Variants in PRIMPOL observed in about 807,000 individuals in gnomAD.
The protein encoded by PRIMPOL is DNA-directed primase/polymerase protein.
In PRIMPOL, 54 loss-of-function variants were observed where a neutral mutation model predicts 63.6. The observed-to-expected ratio is 0.85, with a 90% CI of 0.68 to 1.07. PRIMPOL has a LOEUF of 1.07. Ranked by LOEUF, PRIMPOL falls within the 50% of genes least tolerant of loss-of-function variation. The probability of loss-of-function intolerance (pLI) is 0.00; values close to 1 mark genes in which losing one functional copy is unlikely to be tolerated. For synonymous variants in PRIMPOL, 197 were observed against 220.2 expected (o/e 0.89, Z 0.93); for missense variants, 610 against 648.3 (o/e 0.94, Z 0.64).
chr4:184,667,106 G>T (rs1415769402), intron 6 of PRIMPOL, among the ~76,000 whole-genome samples: 1 of 152,182 alleles, frequency 6.6e-6, no homozygotes, highest in Non-Finnish European at 1.5e-5. Flanking sequence ...TAAAGCACTG[G>T]CATGAAAGCC....
intron 2 of PRIMPOL, among the ~76,000 whole-genome samples, chr4:184,652,610 T>C (rs1223107431): frequency 6.6e-6 from 1 of 152,182 alleles, no homozygotes; most frequent in Admixed American, 6.5e-5. Context: ...AATATTTTTG[T>C]AAATGCTTTT....
At chr4:184,662,817 A>C (rs1011659238) in intron 5 of PRIMPOL, among the ~76,000 whole-genome samples, 2 of 151,836 alleles carry the variant, frequency 1.3e-5, no homozygotes, top group Non-Finnish European at 2.9e-5. Context: ...CTTTGTGAAA[A>C]TGTATGTGAA....
intron 11 of PRIMPOL, among the ~76,000 whole-genome samples, chr4:184,688,960 G>A (rs904570890): frequency 7.3e-5 from 11 of 151,282 alleles, no homozygotes; most frequent in African/African-American, 9.7e-5. Flanking sequence ...TTTAGTAGCA[G>A]TTTGAATAAT....
intron 8 of PRIMPOL, among the ~76,000 whole-genome samples, chr4:184,681,593 G>A (rs1485095366): frequency 6.7e-6 from 1 of 148,722 alleles, no homozygotes; most frequent in Non-Finnish European, 1.5e-5. Context: ...TTATTTTTTT[G>A]AGATGGAATC....
At chr4:184,691,629 T>G (rs1350026548) in intron 12 of PRIMPOL, 37 bp from the exon 13 acceptor site, 10 of 1,599,062 alleles carry the variant, frequency 6.3e-6, no homozygotes, top group Non-Finnish European at 8.6e-6. Context: ...ATTAGATAAC[T>G]GTAATATGTA....
At chr4:184,661,565 G>A (rs1028733055) in intron 4 of PRIMPOL, among the ~76,000 whole-genome samples, 1 of 152,028 alleles carries the variant, frequency 6.6e-6, no homozygotes, top group Non-Finnish European at 1.5e-5. Flanking sequence ...AATTAACCAG[G>A]CGTGGTGGCG....
Position 184,694,506 on chromosome 4 carries a change from C to CA in PRIMPOL, c.1426-15dup, listed in dbSNP as rs760804032. 6.2e-7 allele frequency: 1 copy of CA among 1,607,410 alleles called. No individual in the cohort carries two copies. The highest frequency in any genetic ancestry group is 1.3e-5 in the African/African-American group (1 of 74,630). On this transcript the variant is annotated splice_polypyrimidine_tract_variant and intron_variant, in intron 13 of 13. Coordinates refer to ENST00000314970, the MANE Select transcript of PRIMPOL (RefSeq NM_152683.4). ...TTTCCTATCCCACTCTCTATCCCTT[C>CA]ACCACTGAAATAAAGGAAGAAGAGT...
intron 13 of PRIMPOL, among the ~76,000 whole-genome samples, chr4:184,693,141 A>G (rs528892214): frequency 1.6e-4 from 24 of 151,276 alleles, no homozygotes; most frequent in South Asian, 1.0e-3. Context: ...AAAAAACTCC[A>G]TATGTTTGAA....
intron 11 of PRIMPOL, among the ~76,000 whole-genome samples, chr4:184,688,554 C>T (rs1017524002): frequency 1.3e-5 from 2 of 152,154 alleles, no homozygotes; most frequent in Admixed American, 6.5e-5. Context: ...GCATCTGGCC[C>T]GGCTCCCCTG....
In PRIMPOL at chr4:184,685,707, G is replaced by A. The variant is rs756421093; in HGVS notation, c.1295+23G>A. The A allele has an allele frequency of 4.6e-6, 5 of 1,077,666 alleles. No individual in the cohort carries two copies. In the African/African-American group the frequency reaches 8.0e-5, roughly 17 times the overall value. The allele number at this position is 1,077,666 out of a possible 1,614,324, so 66.8% of individuals were successfully genotyped here. A position where few individuals can be genotyped will look rare whatever the true frequency, so the allele number is the denominator to read the frequency against. ...AATGTAAGTAATATTAATGATTTGT[G>A]TGTATTTAACCAATATTATATTTTA... On this transcript the variant is annotated intron_variant, in intron 11 of 13. Transcript: ENST00000314970.
intron 11 of PRIMPOL, among the ~76,000 whole-genome samples, chr4:184,686,926 G>A (rs1448793099): frequency 1.3e-5 from 2 of 152,126 alleles, no homozygotes; most frequent in African/African-American, 2.4e-5. Flanking sequence ...ATCAGTTGAC[G>A]TTTCTTCTGT....
chr4:184,689,083 C>CGCCCAGGCTTGAGTGCAGTGTGATG (rs574907213), intron 11 of PRIMPOL, among the ~76,000 whole-genome samples: 100 of 150,128 alleles, frequency 6.7e-4, no homozygotes, highest in Non-Finnish European at 9.3e-4. Context: ...CTCGCCCTGT[C>CGCCCAGGCTTGAGTGCAGTGTGATG]GCCCAGGCTT....
At chr4:184,656,953 C>T in intron 2 of PRIMPOL, 129 bp from the exon 3 acceptor site, 2 of 458,202 alleles carry the variant, frequency 4.4e-6, no homozygotes, top group East Asian at 7.2e-5. Context: ...TGCTCTCATT[C>T]TGTGGTAAAA....
intron 7 of PRIMPOL, among the ~76,000 whole-genome samples, chr4:184,674,718 G>A (rs1752809958): frequency 2.0e-5 from 3 of 152,192 alleles, no homozygotes; most frequent in Admixed American, 2.0e-4. Context: ...GATTCTTACA[G>A]TGAAGTAAGC....
At chr4:184,651,509 A>G (rs1744473566) in intron 1 of PRIMPOL, among the ~76,000 whole-genome samples, 1 of 152,162 alleles carries the variant, frequency 6.6e-6, no homozygotes, top group Non-Finnish European at 1.5e-5. Context: ...TAATTTGCAA[A>G]GAGGGGACTA....
At chr4:184,692,308 T>A (rs548481006) in intron 13 of PRIMPOL, among the ~76,000 whole-genome samples, 11 of 151,768 alleles carry the variant, frequency 7.2e-5, no homozygotes, top group Non-Finnish European at 1.5e-4. Context: ...ACCCCATCTC[T>A]ACTAAAAACA....
chr4:184,671,423 T>C (rs1459278401), intron 6 of PRIMPOL, among the ~76,000 whole-genome samples: 1 of 151,774 alleles, frequency 6.6e-6, no homozygotes, highest in Non-Finnish European at 1.5e-5. Context: ...AGTTTCTTCA[T>C]ATAAACCTTC....
intron 1 of PRIMPOL, among the ~76,000 whole-genome samples, chr4:184,651,218 G>A (rs566649108): frequency 1.4e-4 from 22 of 151,960 alleles, no homozygotes; most frequent in African/African-American, 5.1e-4. Flanking sequence ...TTGAACCCGG[G>A]AGGCAGAGGT....
chr4:184,665,797 G>A (rs532895276), intron 5 of PRIMPOL, 120 bp from the exon 6 acceptor site: 181 of 600,514 alleles, frequency 3.0e-4, no homozygotes, highest in Admixed American at 5.9e-4. Flanking sequence ...GAGCCACCAC[G>A]CCTGATCAGA....
Sources: allele counts gnomAD v4.1 joint callset (sites outside exome capture counted in the v4.1 genomes callset), GRCh38; gene constraint gnomAD v4.1.1; transcripts MANE v1.5; gene names NCBI Gene and HGNC (gene_info 2026-07-23, HGNC 2026-07-21).